ADCK5: variants seen among roughly 807,000 people sequenced by gnomAD.
The protein encoded by ADCK5 is uncharacterized aarF domain-containing protein kinase 5.
Under a neutral mutation model 64.9 loss-of-function variants are expected in ADCK5, and 43 were observed. The ratio of observed to expected loss-of-function variants is 0.66; its 90% CI spans 0.52 to 0.85. The LOEUF is 0.85. Among genes scored for constraint, ADCK5 ranks in the 40% least tolerant of loss-of-function variants. ADCK5 has a pLI of 0.00. For synonymous variants in ADCK5, 434 were observed against 342.8 expected, an observed-to-expected ratio of 1.27 and a Z score of -2.94; for missense variants, 760 against 810.5, an observed-to-expected ratio of 0.94 and a Z score of 0.76.
Position 144,393,033 on chromosome 8 carries a change from G to C in ADCK5, c.1702G>C (p.Val568Leu), listed in dbSNP as rs146471243. Reference sequence around the variant, plus strand: ...TCGTGCTCTGGTCCACCTGAGCCTCGTGCCCCCAGCGGAGGAGCTCTACCA... The same window carrying C: ...TCGTGCTCTGGTCCACCTGAGCCTCCTGCCCCCAGCGGAGGAGCTCTACCA... ...LARALVHLSLVPPAEELYQYL... is the reference protein window; with the variant it reads ...LARALVHLSLLPPAEELYQYL... The change falls in exon 15 of 15, where the codon GTG becomes CTG. Residue 568 changes from valine (V) to leucine (L), a missense_variant. Transcript: ENST00000308860. 1 of 1,589,996 alleles carries C rather than the reference G, an allele frequency of 6.3e-7. No individual in the cohort carries two copies. The highest frequency in any genetic ancestry group is 1.3e-5 in the African/African-American group (1 of 74,650).
In ADCK5 at chr8:144,379,479, C is replaced by T. The variant is rs116317547; in HGVS notation, c.105C>T (p.Gly35=). ...TGTTCTTCAGGAGAAACGTCAGGGG[C>T]CTTCCTCCAAGGTAACGAGTCCTCC... ...PAVFFRRNVR[G]LPPRFSSPTP... The change falls in exon 2 of 15, where the codon GGC becomes GGT. Residue 35 remains glycine (G), a synonymous_variant. Transcript: ENST00000308860. The T allele has an allele frequency of 7.0e-5, 112 of 1,602,710 alleles. No individual in the cohort carries two copies. The African/African-American group carries it at 1.4e-3, about 20-fold the overall frequency.
intron 1 of ADCK5, among the ~76,000 whole-genome samples, chr8:144,378,811 G>A (rs1476111948): frequency 2.6e-5 from 4 of 152,118 alleles, no homozygotes; most frequent in Non-Finnish European, 4.4e-5. Context: ...CTCGGGAGGC[G>A]GAGATTGTAG....
chr8:144,391,976 G>A lies in ADCK5; in HGVS notation c.1050G>A (p.Gln350=), dbSNP rs188530740. 9 of 1,612,774 alleles carry A rather than the reference G, an allele frequency of 5.6e-6. No individual in the cohort carries two copies. The African/African-American group carries it at 1.1e-4, about 19-fold the overall frequency. ...AGCTCATCAAGGCCTTTGCTGAGCA[G>A]ATATTTTACACCGGCTTCATCCACT... is the stretch of plus-strand genomic sequence containing the variant. The part of the protein sequence containing the change: ...AEKLIKAFAE[Q]IFYTGFIHSD... The change falls in exon 10 of 15, where the codon CAG becomes CAA. Residue 350 remains glutamine (Q), a synonymous_variant. Transcript: ENST00000308860.
At chr8:144,383,503 T>C (rs1426954217) in intron 3 of ADCK5, among the ~76,000 whole-genome samples, 1 of 152,194 alleles carries the variant, frequency 6.6e-6, no homozygotes, top group African/African-American at 2.4e-5. Flanking sequence ...CCTTCCCTAG[T>C]TCAGCCTTGG....
At position 144,393,161 on chromosome 8, in the gene ADCK5, G is replaced by A. The variant is rs1168718625; in HGVS notation, c.*87G>A. On this transcript the variant is annotated 3_prime_UTR_variant, in exon 15 of 15. Coordinates refer to ENST00000308860, the MANE Select transcript of ADCK5 (RefSeq NM_174922.5). Reference sequence around the variant, plus strand: ...TAGAGGTGTAGACACCCCGAGCCCCGTGGGCACTCGCACTGGGGGGCTGTG... The same window carrying A: ...TAGAGGTGTAGACACCCCGAGCCCCATGGGCACTCGCACTGGGGGGCTGTG... 12 of 1,380,596 alleles carry A rather than the reference G, an allele frequency of 8.7e-6. No individual in the cohort carries two copies. The highest frequency in any genetic ancestry group is 7.3e-5 in the African/African-American group (5 of 68,494). The allele number at this position is 1,380,596 out of a possible 1,614,324, so 85.5% of individuals were successfully genotyped here.
In ADCK5 at chr8:144,392,909, C is replaced by T. The variant is rs372703345; in HGVS notation, c.1637+17C>T. ...GGCGCTCAGGTGAGTGGCCGCGGGG[C>T]AGGTGGGTGGCGGGGGCCTGCTCCC... On this transcript the variant is annotated intron_variant, in intron 14 of 14. Coordinates refer to ENST00000308860, the MANE Select transcript of ADCK5 (RefSeq NM_174922.5). 1 of 1,598,038 alleles carries T rather than the reference C, an allele frequency of 6.3e-7. No individual in the cohort carries two copies. The highest frequency in any genetic ancestry group is 1.3e-5 in the African/African-American group (1 of 74,850).
At chr8:144,382,137 CAG>C (rs1819692561) in intron 2 of ADCK5, among the ~76,000 whole-genome samples, 1 of 143,486 alleles carries the variant, frequency 7.0e-6, no homozygotes, top group African/African-American at 2.7e-5. Context: ...GGTGTAGAAA[CAG>C]ATGTGTGCTC....
chr8:144,382,203 C>G (rs1403976754), intron 2 of ADCK5, among the ~76,000 whole-genome samples: 3 of 150,936 alleles, frequency 2.0e-5, no homozygotes, highest in African/African-American at 7.3e-5. Context: ...GATGTGTGCT[C>G]AGGCACCTGC....
Position 144,391,072 on chromosome 8 carries a change from G to C in ADCK5, c.543+16G>C, listed in dbSNP as rs1258488608. 1.2e-6 allele frequency: 2 copies of C among 1,611,248 alleles called. No individual in the cohort carries two copies. The highest frequency in any genetic ancestry group is 1.7e-6 in the Non-Finnish European group (2 of 1,179,964). On this transcript the variant is annotated intron_variant, in intron 5 of 14. Transcript: ENST00000308860. Reference sequence around the variant, plus strand: ...CTTCCAGGAGGTGAGTGTGCGCTCAGGCCGAGGGAGGTGGGGCCTCCAGCA... The same window carrying C: ...CTTCCAGGAGGTGAGTGTGCGCTCACGCCGAGGGAGGTGGGGCCTCCAGCA...
chr8:144,392,664 C>T lies in ADCK5; in HGVS notation c.1487C>T (p.Ala496Val), dbSNP rs1554861446. 2.5e-6 allele frequency: 4 copies of T among 1,593,374 alleles called. No homozygotes were observed. The highest frequency in any genetic ancestry group is 3.4e-5 in the Admixed American group (2 of 59,048). Reference protein sequence around the residue: ...TVRAINVALGAPVDRYFLMAK... With the variant: ...TVRAINVALGVPVDRYFLMAK... ...CGCGCTATCAACGTGGCCCTCGGCG[C>T]CCCCGTGGACCGCTACTTCCTTATG... The change falls in exon 13 of 15, where the codon GCC becomes GTC. Residue 496 changes from alanine to valine, a missense_variant. By Grantham distance (64) the Ala-to-Val change is moderately conservative. Coordinates refer to ENST00000308860, the MANE Select transcript of ADCK5 (RefSeq NM_174922.5).
At position 144,390,756 on chromosome 8, in the gene ADCK5, G is replaced by A; in HGVS notation, c.342+10G>A. 1 of 1,613,272 alleles carries A rather than the reference G, an allele frequency of 6.2e-7. No individual in the cohort carries two copies. On this transcript the variant is annotated intron_variant, in intron 4 of 14. Coordinates refer to ENST00000308860, the MANE Select transcript of ADCK5 (RefSeq NM_174922.5). ...TCGAGGGGTGGAAGAGGTTTGTCCT[G>A]GTGCCCTGGGCACACAGTGGTGGGC...
chr8:144,376,684 G>T lies in ADCK5; in HGVS notation c.12+2577G>T. Among the ~76,000 whole-genome samples the T allele has an allele frequency of 6.6e-6, 1 of 152,316 alleles. No individual in the cohort carries two copies. Among genetic ancestry groups the T allele is most frequent in the Middle Eastern group, 3.4e-3 (1 of 294 alleles). ...CAGTGGCTGGGATAGCCACCTGGAG[G>T]TAGCTCCCTTGCAGCCACTTACGAG... is the stretch of plus-strand genomic sequence containing the variant. On this transcript the variant is annotated intron_variant, in intron 1 of 14. Transcript: ENST00000308860. This position sits in a 1 kb window ranked among gnomAD's most constrained non-coding sequence, Gnocchi z 5.1.
At chr8:144,389,793 G>A (rs1334598536) in intron 3 of ADCK5, among the ~76,000 whole-genome samples, 1 of 150,736 alleles carries the variant, frequency 6.6e-6, no homozygotes, top group Non-Finnish European at 1.5e-5. Flanking sequence ...GCCTCCCAAA[G>A]TGCTGGGATC....
In ADCK5 at chr8:144,389,259, G is replaced by T. The variant is rs1554859876; in HGVS notation, c.267-1412G>T. Reference sequence around the variant, plus strand: ...CTGCCTTAACTGGGCTCTCTTCCCTGCAGACCTTGCCTCCCCAGGCCTTGG... The same window carrying T: ...CTGCCTTAACTGGGCTCTCTTCCCTTCAGACCTTGCCTCCCCAGGCCTTGG... On this transcript the variant is annotated intron_variant, in intron 3 of 14. Coordinates refer to ENST00000308860, the MANE Select transcript of ADCK5 (RefSeq NM_174922.5). 4 of 456,506 alleles carry T rather than the reference G, an allele frequency of 8.8e-6. No homozygotes were observed. The East Asian group carries it at 2.8e-4, about 32-fold the overall frequency. The allele number at this position is 456,506 out of a possible 1,614,324, so 28.3% of individuals were successfully genotyped here.
Position 144,392,635 on chromosome 8 carries a change from C to A in ADCK5, c.1458C>A (p.Thr486=), listed in dbSNP as rs782140154. Residue 486 remains threonine (T), a synonymous_variant, in exon 13 of 15, where the codon ACC becomes ACA. Coordinates refer to ENST00000308860, the MANE Select transcript of ADCK5 (RefSeq NM_174922.5). ...TGCTGGTGCTGCGCAACATCAACAC[C>A]GTGCGCGCTATCAACGTGGCCCTCG... is the stretch of plus-strand genomic sequence containing the variant. ...PMLLVLRNIN[T]VRAINVALGA... is the part of the protein sequence containing the mutation. 3.1e-6 allele frequency: 5 copies of A among 1,593,878 alleles called. No homozygotes were observed. The highest frequency in any genetic ancestry group is 1.3e-5 in the African/African-American group (1 of 74,678).
Position 144,390,622 on chromosome 8 carries a change from G to A in ADCK5, c.267-49G>A, listed in dbSNP as rs199992416. The A allele has an allele frequency of 4.5e-4, 721 of 1,591,366 alleles. 1 individual carries two copies. The highest frequency in any genetic ancestry group is 5.3e-4 in the Non-Finnish European group (623 of 1,167,442). On this transcript the variant is annotated intron_variant, in intron 3 of 14. Coordinates refer to ENST00000308860, the MANE Select transcript of ADCK5 (RefSeq NM_174922.5). Reference sequence around the variant, plus strand: ...GGCTCTGACAAGAGGACCAAGCACCGGGGCCCCGAGCCTGCCCCGCTGGAG... The same window carrying A: ...GGCTCTGACAAGAGGACCAAGCACCAGGGCCCCGAGCCTGCCCCGCTGGAG...
chr8:144,390,949 G>A lies in ADCK5; in HGVS notation c.436G>A (p.Val146Met), dbSNP rs1356928414. The A allele has an allele frequency of 4.3e-6, 7 of 1,612,882 alleles. No individual in the cohort carries two copies. Among genetic ancestry groups the A allele is most frequent in the East Asian group, 4.5e-5 (2 of 44,902 alleles). The change falls in exon 5 of 15, where the codon GTG (valine) becomes ATG (methionine). Residue 146 changes from valine to methionine, a missense_variant. Transcript: ENST00000308860. ...AGAISNGGLY[V>M]KLGQGLCSFN... ...GGCCATCAGCAACGGGGGCCTCTACGTGAAGCTGGGCCAGGGGCTGTGCTC... is the reference window on the plus strand; with the variant it reads ...GGCCATCAGCAACGGGGGCCTCTACATGAAGCTGGGCCAGGGGCTGTGCTC...
chr8:144,389,163 C>G (rs1168649200), intron 3 of ADCK5: 2 of 430,570 alleles, frequency 4.6e-6, no homozygotes, highest in Non-Finnish European at 9.4e-6. Context: ...CCCTCTACCC[C>G]ATCCTCTTGC....
In ADCK5 at chr8:144,391,173, C is replaced by T. The variant is rs782587295; in HGVS notation, c.583C>T (p.His195Tyr). 5 of 1,611,970 alleles carry T rather than the reference C, an allele frequency of 3.1e-6. No homozygotes were observed. Among genetic ancestry groups the T allele is most frequent in the Non-Finnish European group, 4.2e-6 (5 of 1,179,978 alleles). ...CCTTGAGGACTTCCAGGCCCTCCCC[C>T]ACGAGCTCTTCCAGGAGTTTGACTA... ...LFLEDFQALP[H>Y]ELFQEFDYQP... The change falls in exon 6 of 15, where the codon CAC (histidine) becomes TAC (tyrosine). Residue 195 changes from histidine to tyrosine, a missense_variant. Coordinates refer to ENST00000308860, the MANE Select transcript of ADCK5 (RefSeq NM_174922.5).
Sources: allele counts gnomAD v4.1 joint callset (sites outside exome capture counted in the v4.1 genomes callset), GRCh38; gene constraint gnomAD v4.1.1; non-coding constraint Gnocchi (gnomAD v3.1); transcripts MANE v1.5; gene names NCBI Gene and HGNC (gene_info 2026-07-23, HGNC 2026-07-21).